TMEM45A: variants seen among roughly 807,000 people sequenced by gnomAD.
The protein encoded by TMEM45A is transmembrane protein 45A.
A neutral mutation model predicts 32.0 loss-of-function variants in TMEM45A; 25 were observed. The ratio of observed to expected loss-of-function variants is 0.78; its 90% CI spans 0.57 to 1.09. The LOEUF is 1.09. Ranked by LOEUF, TMEM45A falls within the 50% of genes least tolerant of loss-of-function variation. The pLI is 0.00. For missense variants in TMEM45A, 302 were observed against 325.0 expected (o/e 0.93, Z 0.54); for synonymous variants, 122 against 114.8 (o/e 1.06, Z -0.40).
At chr3:100,527,176 G>A (rs890283430) in intron 1 of TMEM45A, among the ~76,000 whole-genome samples, 2 of 152,128 alleles carry the variant, frequency 1.3e-5, no homozygotes, top group African/African-American at 4.8e-5. Context: ...CTGGTCCAGA[G>A]TTAGTGCACA....
intron 4 of TMEM45A, among the ~76,000 whole-genome samples, chr3:100,566,377 T>TTAGA (rs755761304): frequency 6.6e-6 from 1 of 152,024 alleles, no homozygotes; most frequent in Non-Finnish European, 1.5e-5. Flanking sequence ...CAATAAAAAA[T>TTAGA]TAGATAGATA....
At chr3:100,572,918 T>G (rs1226997165) in intron 5 of TMEM45A, 1 of 150,344 alleles carries the variant, frequency 6.7e-6, no homozygotes, top group Non-Finnish European at 1.5e-5. Context: ...TGTAGATATG[T>G]GGCATTATTT....
At chr3:100,547,027 T>C (rs1230569180) in intron 1 of TMEM45A, among the ~76,000 whole-genome samples, 1 of 152,136 alleles carries the variant, frequency 6.6e-6, no homozygotes, top group African/African-American at 2.4e-5. Flanking sequence ...CAAGTATAGA[T>C]TTTTACTTCC....
intron 4 of TMEM45A, among the ~76,000 whole-genome samples, chr3:100,562,367 C>T (rs1262580292): frequency 6.6e-6 from 1 of 152,142 alleles, no homozygotes; most frequent in Non-Finnish European, 1.5e-5. Flanking sequence ...TCGTGTTTGG[C>T]CTAGAATGAC....
intron 4 of TMEM45A, among the ~76,000 whole-genome samples, chr3:100,567,043 TA>T (rs1294381342): frequency 6.6e-6 from 1 of 151,862 alleles, no homozygotes; most frequent in African/African-American, 2.4e-5. Flanking sequence ...TGTCGTAGCT[TA>T]AAAAAAATCA....
intron 4 of TMEM45A, among the ~76,000 whole-genome samples, chr3:100,565,067 C>A (rs1311726551): frequency 6.6e-6 from 1 of 152,102 alleles, no homozygotes; most frequent in Non-Finnish European, 1.5e-5. Flanking sequence ...GTTTTTGGAG[C>A]CAGAAACTAC....
In TMEM45A at chr3:100,545,624, C is replaced by G. The variant is rs528327536; in HGVS notation, c.-3-9585C>G. 1.8e-4 allele frequency among the ~76,000 whole-genome samples: 28 copies of G among 152,280 alleles called. No individual in the cohort carries two copies. The East Asian group carries it at 5.2e-3, about 28-fold the overall frequency. ...CTCAGATGACCTTTAAAGTTCTTCC[C>G]AAATCCAGTCATATGCCTCTGTCCC... On this transcript the variant is annotated intron_variant, in intron 1 of 5. Coordinates refer to ENST00000323523, the MANE Select transcript of TMEM45A (RefSeq NM_018004.3).
chr3:100,551,083 G>A (rs934543642), intron 1 of TMEM45A, among the ~76,000 whole-genome samples: 8 of 146,666 alleles, frequency 5.5e-5, no homozygotes, highest in African/African-American at 2.0e-4. Flanking sequence ...GCGGGATCTC[G>A]GCTGACTGCA....
intron 1 of TMEM45A, among the ~76,000 whole-genome samples, chr3:100,550,964 C>G (rs1706085662): frequency 1.3e-5 from 2 of 150,362 alleles, no homozygotes; most frequent in Admixed American, 6.6e-5. Flanking sequence ...CACTGGAAAC[C>G]AATGATGAAA....
intron 4 of TMEM45A, among the ~76,000 whole-genome samples, chr3:100,564,001 C>A (rs1706380331): frequency 6.6e-6 from 1 of 152,144 alleles, no homozygotes; most frequent in African/African-American, 2.4e-5. Flanking sequence ...AGGCCCCAGC[C>A]CTTGGTGGGT....
chr3:100,553,973 C>T (rs1706160864), intron 1 of TMEM45A, among the ~76,000 whole-genome samples: 1 of 152,172 alleles, frequency 6.6e-6, no homozygotes, highest in Non-Finnish European at 1.5e-5. Flanking sequence ...CTGTCCTGAA[C>T]TGAGCAGCCC....
chr3:100,528,941 A>G (rs1185859476), intron 1 of TMEM45A, among the ~76,000 whole-genome samples: 2 of 152,214 alleles, frequency 1.3e-5, no homozygotes, highest in African/African-American at 4.8e-5. Flanking sequence ...TGACTTTCAT[A>G]TGAGGCCTTA....
chr3:100,574,917 A>T (rs895351119), intron 5 of TMEM45A, among the ~76,000 whole-genome samples: 2 of 152,192 alleles, frequency 1.3e-5, no homozygotes, highest in Non-Finnish European at 2.9e-5. Flanking sequence ...AAATTTTCTG[A>T]TATATTTTGA....
At chr3:100,497,468 C>T (rs1158347231) in intron 1 of TMEM45A, among the ~76,000 whole-genome samples, 1 of 152,142 alleles carries the variant, frequency 6.6e-6, no homozygotes, top group Non-Finnish European at 1.5e-5. Context: ...TAAGTACATT[C>T]ACATTGTGTG....
chr3:100,534,403 C>T (rs1325162409), intron 1 of TMEM45A, among the ~76,000 whole-genome samples: 2 of 152,084 alleles, frequency 1.3e-5, no homozygotes, highest in Admixed American at 1.3e-4. Context: ...GGATCGGACT[C>T]AGAAGAAGGA....
chr3:100,575,299 A>G (rs1242872434), intron 5 of TMEM45A, among the ~76,000 whole-genome samples: 1 of 151,784 alleles, frequency 6.6e-6, no homozygotes, highest in Non-Finnish European at 1.5e-5. Context: ...TCAGCTGCTA[A>G]TCAGTGTCAC....
intron 1 of TMEM45A, among the ~76,000 whole-genome samples, chr3:100,522,774 A>G (rs1329731840): frequency 6.6e-6 from 1 of 152,148 alleles, no homozygotes; most frequent in Non-Finnish European, 1.5e-5. Flanking sequence ...GCTACAGCTA[A>G]GGTTAGAAGT....
Position 100,558,405 on chromosome 3 carries a change from C to G in TMEM45A, c.404C>G (p.Ala135Gly), listed in dbSNP as rs144916545. 30 of 1,612,886 alleles carry G rather than the reference C, an allele frequency of 1.9e-5. No individual in the cohort carries two copies. Among genetic ancestry groups the G allele is most frequent in the African/African-American group, 8.0e-5 (6 of 74,988 alleles). ...AGACAATCTGTTTTTTCCCCATCAG[C>G]CTTTATCTTCTACAACCACACTCAT... ...LMLSNALFVE[A>G]FIFYNHTHGR... Residue 135 changes from alanine to glycine, a missense_variant and splice_region_variant, in exon 4 of 6, where the codon GCC becomes GGC. Coordinates refer to ENST00000323523, the MANE Select transcript of TMEM45A (RefSeq NM_018004.3).
At chr3:100,504,965 T>C (rs757639998) in intron 1 of TMEM45A, among the ~76,000 whole-genome samples, 29 of 152,188 alleles carry the variant, frequency 1.9e-4, no homozygotes, top group Admixed American at 1.6e-3. Context: ...TTTAGACTCT[T>C]TGTTTCCTCC....
Sources: allele counts gnomAD v4.1 joint callset (sites outside exome capture counted in the v4.1 genomes callset), GRCh38; gene constraint gnomAD v4.1.1; transcripts MANE v1.5; gene names NCBI Gene and HGNC (gene_info 2026-07-23, HGNC 2026-07-21).